The following KCNIP4 variants were observed in gnomAD, a reference collection of about 807,000 sequenced individuals.
KCNIP4 encodes potassium voltage-gated channel interacting protein 4, also known as Kv channel-interacting protein 4.
KCNIP4 carries 12 observed loss-of-function variants against 34.0 expected under a neutral mutation model. The observed-to-expected ratio is 0.35, with a 90% CI of 0.23 to 0.57. The LOEUF is 0.57. Among genes scored for constraint, KCNIP4 ranks in the 20% least tolerant of loss-of-function variants. The pLI is 0.83. For synonymous variants in KCNIP4, 124 were observed against 102.2 expected, an observed-to-expected ratio of 1.21 and a Z score of -1.29; for missense variants, 238 against 311.7, an observed-to-expected ratio of 0.76 and a Z score of 1.78.
intron 1 of KCNIP4, among the ~76,000 whole-genome samples, chr4:21,195,512 T>G (rs532206094): frequency 1.3e-5 from 2 of 152,190 alleles, no homozygotes; most frequent in Non-Finnish European, 2.9e-5. Flanking sequence ...TCAGATGCAC[T>G]GTGCATTAAT....
intron 1 of KCNIP4, among the ~76,000 whole-genome samples, chr4:21,113,986 C>T (rs539420060): frequency 6.6e-6 from 1 of 152,100 alleles, no homozygotes; most frequent in Admixed American, 6.5e-5. Context: ...TTTCTTTTGG[C>T]TGGTCATATG....
intron 1 of KCNIP4, among the ~76,000 whole-genome samples, chr4:21,382,816 C>T (rs1326717305): frequency 6.6e-6 from 1 of 152,088 alleles, no homozygotes; most frequent in Non-Finnish European, 1.5e-5. Context: ...ATTATTAAAA[C>T]CTTAAAGATA....
chr4:21,323,007 T>C (rs1714658016), intron 1 of KCNIP4, among the ~76,000 whole-genome samples: 1 of 151,986 alleles, frequency 6.6e-6, no homozygotes, highest in Admixed American at 6.6e-5. Context: ...AGGGAATTGA[T>C]GGTATAACTG....
chr4:20,873,789 C>T (rs1723726341), intron 2 of KCNIP4, among the ~76,000 whole-genome samples: 1 of 152,166 alleles, frequency 6.6e-6, no homozygotes. Flanking sequence ...GTGAATGCAG[C>T]ATAGTGCCCA....
chr4:21,513,990 TC>T (rs1395440429), intron 1 of KCNIP4, among the ~76,000 whole-genome samples: 1 of 152,184 alleles, frequency 6.6e-6, no homozygotes, highest in Non-Finnish European at 1.5e-5. Context: ...TAGTCAGGTT[TC>T]CTTTCACAAA....
chr4:21,054,846 C>G (rs565076975), intron 1 of KCNIP4, among the ~76,000 whole-genome samples: 2 of 151,708 alleles, frequency 1.3e-5, no homozygotes, highest in South Asian at 4.1e-4. Flanking sequence ...ACCTAGAAGA[C>G]CTTGAGAATG....
At chr4:21,094,474 C>T (rs1175921971) in intron 1 of KCNIP4, among the ~76,000 whole-genome samples, 1 of 152,044 alleles carries the variant, frequency 6.6e-6, no homozygotes, top group Non-Finnish European at 1.5e-5. Context: ...GAAAGCTCGA[C>T]TGGGAGGATA....
At chr4:21,548,495 C>G (rs1738312740) in intron 1 of KCNIP4, among the ~76,000 whole-genome samples, 1 of 151,988 alleles carries the variant, frequency 6.6e-6, no homozygotes, top group Non-Finnish European at 1.5e-5. Context: ...TAACACATCA[C>G]TGTTGCATAT....
At chr4:21,846,557 C>T (rs1368196409) in intron 1 of KCNIP4, 2 of 152,086 alleles carry the variant, frequency 1.3e-5, no homozygotes, top group Non-Finnish European at 2.9e-5. Flanking sequence ...TTAAAGAATG[C>T]TTACTAGTAT....
At chr4:21,669,664 G>T (rs562802765) in intron 1 of KCNIP4, among the ~76,000 whole-genome samples, 6 of 152,178 alleles carry the variant, frequency 3.9e-5, no homozygotes, top group African/African-American at 1.4e-4. Flanking sequence ...ATAATGCAAA[G>T]TATGATGACC....
chr4:21,751,515 G>A (rs1239868726), intron 1 of KCNIP4, among the ~76,000 whole-genome samples: 4 of 152,098 alleles, frequency 2.6e-5, no homozygotes, highest in Non-Finnish European at 4.4e-5. Context: ...TTAATGGATG[G>A]AACAAGATTT....
intron 1 of KCNIP4, among the ~76,000 whole-genome samples, chr4:21,317,283 T>C (rs938554723): frequency 4.6e-5 from 7 of 152,134 alleles, no homozygotes; most frequent in African/African-American, 1.7e-4. Flanking sequence ...ATAAAGTCCA[T>C]CAGCACATTT....
chr4:21,647,464 G>T (rs922135004), intron 1 of KCNIP4, among the ~76,000 whole-genome samples: 1 of 152,036 alleles, frequency 6.6e-6, no homozygotes, highest in Non-Finnish European at 1.5e-5. Flanking sequence ...CCCTTACTCC[G>T]TGCTTATCAT....
At chr4:21,299,950 G>C (rs955779060) in intron 1 of KCNIP4, among the ~76,000 whole-genome samples, 1 of 152,074 alleles carries the variant, frequency 6.6e-6, no homozygotes, top group Non-Finnish European at 1.5e-5. Flanking sequence ...AAATACAAAA[G>C]ACAGCCTAGT....
chr4:20,963,708 AGACAT>A, intron 1 of KCNIP4, among the ~76,000 whole-genome samples: 1 of 152,284 alleles, frequency 6.6e-6, no homozygotes, highest in East Asian at 1.9e-4. Flanking sequence ...AGAGGGCACT[AGACAT>A]GATTTTAAGG....
intron 1 of KCNIP4, among the ~76,000 whole-genome samples, chr4:21,061,437 T>C (rs953467244): frequency 1.3e-5 from 2 of 152,086 alleles, no homozygotes; most frequent in African/African-American, 4.8e-5. Context: ...AACACTATAA[T>C]CCTATATAAG....
In KCNIP4 at chr4:21,247,820, T is replaced by C. The variant is rs28738747; in HGVS notation, c.62-365111A>G. The stretch of plus-strand genomic sequence containing the variant: ...AGGTGGATATATATATATATATATA[T>C]ACACACACACACAGACACCACAGGT... On this transcript the variant is annotated intron_variant, in intron 1 of 8. Transcript: ENST00000382152. Among the ~76,000 whole-genome samples, 406 of 100,942 alleles carry C rather than the reference T, an allele frequency of 4.0e-3. 7 individuals carry two copies. The highest frequency in any genetic ancestry group is 9.1e-3 in the African/African-American group (204 of 22,322). 66.2% of individuals were successfully genotyped at this position (100,942 alleles called of 152,430 possible). A position where few individuals can be genotyped will look rare whatever the true frequency, so the allele number is the denominator to read the frequency against.
At position 21,680,339 on chromosome 4, in the gene KCNIP4, C is replaced by G. The variant is rs532206749; in HGVS notation, c.61+268232G>C. On this transcript the variant is annotated intron_variant, in intron 1 of 8. Coordinates refer to ENST00000382152, the MANE Select transcript of KCNIP4 (RefSeq NM_025221.6). Reference sequence around the variant, plus strand: ...TCAGTCACATCTCCATGATCCATTTCTAATCCTCGTTTTCTTGCTATTTCC... The same window carrying G: ...TCAGTCACATCTCCATGATCCATTTGTAATCCTCGTTTTCTTGCTATTTCC... Among the ~76,000 whole-genome samples the G allele has an allele frequency of 3.3e-5, 5 of 152,342 alleles. No individual in the cohort carries two copies. The South Asian group carries it at 1.0e-3, about 32-fold the overall frequency.
chr4:20,985,495 T>C (rs989020372), intron 1 of KCNIP4, among the ~76,000 whole-genome samples: 5 of 152,094 alleles, frequency 3.3e-5, no homozygotes, highest in African/African-American at 1.2e-4. Context: ...AAACAAAGCA[T>C]GAAGAGGTTA....
Sources: allele counts gnomAD v4.1 joint callset (sites outside exome capture counted in the v4.1 genomes callset), GRCh38; gene constraint gnomAD v4.1.1; transcripts MANE v1.5; gene names NCBI Gene and HGNC (gene_info 2026-07-23, HGNC 2026-07-21).